The following PLEKHG4B variants were observed in gnomAD, a reference collection of about 807,000 sequenced individuals.
PLEKHG4B encodes pleckstrin homology domain-containing family G member 4B.
A neutral mutation model predicts 121.3 loss-of-function variants in PLEKHG4B; 111 were observed. The observed-to-expected ratio is 0.92, with a 90% CI of 0.78 to 1.07. The LOEUF (loss-of-function observed/expected upper bound fraction) is 1.07. PLEKHG4B is among the 50% of genes least tolerant of loss of function. The probability of loss-of-function intolerance (pLI) is 0.00; values close to 1 mark genes in which losing one functional copy is unlikely to be tolerated. For missense variants in PLEKHG4B, 1,831 were observed against 1,757.8 expected (o/e 1.04, Z -0.74); for synonymous variants, 738 against 725.0 (o/e 1.02, Z -0.29).
chr5:149,626 A>G (rs992432372), intron 6 of PLEKHG4B, among the ~76,000 whole-genome samples: 2 of 152,226 alleles, frequency 1.3e-5, no homozygotes, highest in African/African-American at 4.8e-5. Flanking sequence ...TATGTATCTG[A>G]TAGGAGGTTA....
chr5:124,260 ATG>A (rs1328773493), intron 2 of PLEKHG4B, among the ~76,000 whole-genome samples: 1 of 152,130 alleles, frequency 6.6e-6, no homozygotes, highest in Non-Finnish European at 1.5e-5. Context: ...GGCCTAACAT[ATG>A]TTCTACCCTG....
intron 18 of PLEKHG4B, among the ~76,000 whole-genome samples, chr5:177,837 G>A (rs1736806662): frequency 1.3e-5 from 2 of 152,120 alleles, no homozygotes; most frequent in African/African-American, 4.8e-5. Flanking sequence ...GTGAGGATGC[G>A]CCGTGTGCTT....
intron 2 of PLEKHG4B, among the ~76,000 whole-genome samples, chr5:124,288 G>A (rs764813444): frequency 5.3e-5 from 8 of 152,134 alleles, no homozygotes; most frequent in South Asian, 4.1e-4. Flanking sequence ...TGTCTCATGT[G>A]TGCACTTGAG....
chr5:179,339 G>T (rs553664723), intron 18 of PLEKHG4B, among the ~76,000 whole-genome samples: 1 of 152,298 alleles, frequency 6.6e-6, no homozygotes, highest in East Asian at 1.9e-4. Flanking sequence ...GAGAACAGGG[G>T]AGTGAGAGAG....
chr5:104,992 A>G (rs750495478), intron 1 of PLEKHG4B, among the ~76,000 whole-genome samples: 2 of 120,948 alleles, frequency 1.7e-5, no homozygotes, highest in African/African-American at 4.0e-5. Context: ...GAAACACTCC[A>G]CAGTGGGTGA....
chr5:181,359 A>T (rs889771717), intron 18 of PLEKHG4B, among the ~76,000 whole-genome samples, 155 bp from the exon 19 acceptor site: 2 of 152,138 alleles, frequency 1.3e-5, no homozygotes, highest in African/African-American at 4.8e-5. Flanking sequence ...GGGAAGCCTC[A>T]GCACCCTGGC....
rs369987015 is a variant in PLEKHG4B, at chr5:152,108, G to A, written c.1992+509G>A. Among the ~76,000 whole-genome samples the A allele has an allele frequency of 3.2e-4, 48 of 151,578 alleles. 1 individual carries two copies. Among genetic ancestry groups the A allele is most frequent in the African/African-American group, 1.1e-3 (46 of 40,996 alleles). On this transcript the variant is annotated intron_variant, in intron 7 of 19. Transcript: ENST00000637938. The stretch of plus-strand genomic sequence containing the variant: ...TTTGAGCAAATCGCAATGCGAGCGG[G>A]CTTGGTTTTCTTCATTATCCAGTTT...
At chr5:92,877 G>A (rs1377776632) in intron 1 of PLEKHG4B, among the ~76,000 whole-genome samples, 2 of 152,282 alleles carry the variant, frequency 1.3e-5, no homozygotes, top group East Asian at 3.9e-4. Context: ...CTTTTGTGTT[G>A]GAGTGCTAGT....
chr5:160,454 G>T (rs1353055737), intron 11 of PLEKHG4B, among the ~76,000 whole-genome samples: 2 of 151,962 alleles, frequency 1.3e-5, no homozygotes, highest in Non-Finnish European at 2.9e-5. Context: ...GCTGCCCCGT[G>T]GGGAAATGGA....
rs865914607 is a variant in PLEKHG4B, at chr5:174,078, G to A, written c.4382G>A (p.Arg1461Gln). 6.9e-6 allele frequency: 11 copies of A among 1,585,272 alleles called. No homozygotes were observed. Among genetic ancestry groups the A allele is most frequent in the East Asian group, 4.6e-5 (2 of 43,930 alleles). The change falls in exon 18 of 20, where the codon CGG (arginine) becomes CAG (glutamine). Residue 1461 changes from arginine to glutamine, a missense_variant. Arg to Gln is a conservative substitution (Grantham distance 43, BLOSUM62 1). Coordinates refer to ENST00000637938, the MANE Select transcript of PLEKHG4B (RefSeq NM_052909.5). ...WTDVIGRILW[R>Q]QALKSRELRI... ...GATGTCATAGGGAGGATCCTGTGGC[G>A]GCAGGCACTAAAGAGCAGAGGTGGG...
chr5:98,467 ACT>A (rs1170718421), intron 1 of PLEKHG4B, among the ~76,000 whole-genome samples: 1 of 109,196 alleles, frequency 9.2e-6, no homozygotes, highest in Non-Finnish European at 1.7e-5. Context: ...ATGGAGTCTC[ACT>A]CTGTCGCCAG....
chr5:181,925 C>T (rs181361734), intron 19 of PLEKHG4B, 79 bp from the exon 20 acceptor site: 67 of 1,485,202 alleles, frequency 4.5e-5, no homozygotes, highest in Admixed American at 1.9e-4. Context: ...GCCTTTCAGA[C>T]GGCTCTGATC....
chr5:124,771 A>G (rs564759888), intron 2 of PLEKHG4B, among the ~76,000 whole-genome samples: 6 of 152,122 alleles, frequency 3.9e-5, no homozygotes, highest in African/African-American at 1.4e-4. Flanking sequence ...GGATCTGTTT[A>G]TGTCTTTGAA....
At chr5:173,653 G>C (rs4956986) in intron 17 of PLEKHG4B, among the ~76,000 whole-genome samples, 99,078 of 151,608 alleles carry the variant, frequency 0.65, 32,986 homozygotes, top group Non-Finnish European at 0.72. Context: ...GTCCTGTACA[G>C]TCTCCTTTGC....
chr5:135,570 G>A (rs964335277), intron 2 of PLEKHG4B, among the ~76,000 whole-genome samples: 2 of 148,074 alleles, frequency 1.4e-5, no homozygotes, highest in African/African-American at 5.0e-5. Context: ...GGAGGCTGAG[G>A]CAGGAGAATG....
At chr5:133,661 G>A (rs992909374) in intron 2 of PLEKHG4B, among the ~76,000 whole-genome samples, 4 of 152,030 alleles carry the variant, frequency 2.6e-5, no homozygotes, top group Non-Finnish European at 4.4e-5. Context: ...GGTAAAGAGG[G>A]AACACTTTTA....
rs750280774 is a variant in PLEKHG4B at position 139,219 on chromosome 5, C to T, written c.244-264C>T. 4.7e-4 allele frequency among the ~76,000 whole-genome samples: 72 copies of T among 152,228 alleles called. No individual in the cohort carries two copies. The highest frequency in any genetic ancestry group is 8.5e-4 in the Non-Finnish European group (58 of 68,034). On this transcript the variant is annotated intron_variant, in intron 2 of 19. Coordinates refer to ENST00000637938, the MANE Select transcript of PLEKHG4B (RefSeq NM_052909.5). The surrounding 1 kb of genome is among the most constrained non-coding windows in gnomAD (Gnocchi z 5.0). ...TGGCCCTCGAGTGGCCTCCTCTCCC[C>T]TGTCCTGCCCACCTACCCCCAGCCT...
At chr5:178,280 C>T (rs139145992) in intron 18 of PLEKHG4B, among the ~76,000 whole-genome samples, 368 of 152,344 alleles carry the variant, frequency 2.4e-3, no homozygotes, top group African/African-American at 8.5e-3. Context: ...TTTAGAGAGA[C>T]AGTGCAAATA....
At position 156,597 on chromosome 5, in the gene PLEKHG4B, G is replaced by A. The variant is rs1170812273; in HGVS notation, c.2349-176G>A. Among the ~76,000 whole-genome samples, 1 of 151,984 alleles carries A rather than the reference G, an allele frequency of 6.6e-6. No homozygotes were observed. The highest frequency in any genetic ancestry group is 1.5e-5 in the Non-Finnish European group (1 of 68,006). ...GCAACCCAGGCCGGCCAGGATGTTG[G>A]CAGAACGCATGGAGCACATCTGTGC... On this transcript the variant is annotated intron_variant, in intron 10 of 19. Coordinates refer to ENST00000637938, the MANE Select transcript of PLEKHG4B (RefSeq NM_052909.5). The surrounding 1 kb of genome is among the most constrained non-coding windows in gnomAD (Gnocchi z 4.4).
Sources: allele counts gnomAD v4.1 joint callset (sites outside exome capture counted in the v4.1 genomes callset), GRCh38; gene constraint gnomAD v4.1.1; non-coding constraint Gnocchi (gnomAD v3.1); transcripts MANE v1.5; gene names NCBI Gene and HGNC (gene_info 2026-07-23, HGNC 2026-07-21).